The following CAST variants were observed in gnomAD, a reference collection of about 807,000 sequenced individuals.
CAST encodes the protein MIR583 host.
Under a neutral mutation model 119.6 loss-of-function variants are expected in CAST, and 76 were observed. The observed-to-expected ratio is 0.64, with a 90% CI of 0.53 to 0.77. CAST has a LOEUF of 0.77. CAST is among the 30% of genes least tolerant of loss of function. The pLI, the probability that CAST is intolerant of heterozygous loss-of-function variation, is 0.00. For missense variants in CAST, 953 were observed against 946.5 expected, an observed-to-expected ratio of 1.01 and a Z score of -0.09; for synonymous variants, 319 against 331.6, an observed-to-expected ratio of 0.96 and a Z score of 0.41.
At chr5:96,502,787 A>G in the CAST span, among the ~76,000 whole-genome samples, 2 of 152,194 alleles carry the variant, frequency 1.3e-5, no homozygotes, top group African/African-American at 2.4e-5. Flanking sequence ...ATAAAAGACT[A>G]TGGAAATTTT....
the CAST span, among the ~76,000 whole-genome samples, chr5:96,402,530 C>A: frequency 6.6e-6 from 1 of 152,106 alleles, no homozygotes; most frequent in Non-Finnish European, 1.5e-5. Context: ...TTGGTCCCTC[C>A]CCGCCTCACA....
At chr5:96,436,579 A>C in the CAST span, among the ~76,000 whole-genome samples, 1 of 152,192 alleles carries the variant, frequency 6.6e-6, no homozygotes. Context: ...GCAAAATTCT[A>C]TTTTAAATAA....
the CAST span, among the ~76,000 whole-genome samples, chr5:96,255,094 C>G: frequency 1.3e-5 from 2 of 151,992 alleles, no homozygotes; most frequent in African/African-American, 4.8e-5. Flanking sequence ...CTTAATGACT[C>G]ATATTCTGGA....
chr5:96,297,279 GAAC>G, the CAST span, among the ~76,000 whole-genome samples: 1 of 152,184 alleles, frequency 6.6e-6, no homozygotes, highest in Non-Finnish European at 1.5e-5. Flanking sequence ...GAAATTCAAG[GAAC>G]AACAACTGCT....
At chr5:96,028,552 T>G in the CAST span, among the ~76,000 whole-genome samples, 1 of 151,896 alleles carries the variant, frequency 6.6e-6, no homozygotes, top group Non-Finnish European at 1.5e-5. Flanking sequence ...GACCCCAAAT[T>G]TAAGATGGAT....
chr5:96,575,426 T>C (rs1312599192), intron 1 of CAST, among the ~76,000 whole-genome samples: 1 of 152,202 alleles, frequency 6.6e-6, no homozygotes, highest in East Asian at 1.9e-4. Flanking sequence ...CTAGGACCTC[T>C]AGTACTATGT....
intron 1 of CAST, among the ~76,000 whole-genome samples, chr5:96,613,762 C>T (rs1418662084): frequency 6.6e-6 from 1 of 152,228 alleles, no homozygotes; most frequent in African/African-American, 2.4e-5. Context: ...GTACCTCAAA[C>T]TTTATTCTCT....
chr5:96,330,338 C>T, the CAST span, among the ~76,000 whole-genome samples: 5 of 152,138 alleles, frequency 3.3e-5, 1 homozygote, highest in South Asian at 4.1e-4. Flanking sequence ...CCCTTGGCTT[C>T]CCCCACCATC....
chr5:96,670,344 A>G (rs572038501), intron 1 of CAST, among the ~76,000 whole-genome samples: 1 of 152,230 alleles, frequency 6.6e-6, no homozygotes. Context: ...TTTCCTCCTA[A>G]AAGAAGCCTC....
the CAST span, among the ~76,000 whole-genome samples, chr5:96,095,482 A>G: frequency 3.6e-5 from 5 of 138,246 alleles, no homozygotes; most frequent in Admixed American, 3.2e-4. Context: ...GATCATTTGC[A>G]CTCAAGAGTT....
In CAST at chr5:96,625,306, C is replaced by T. The variant is rs577342228; in HGVS notation, c.61-50233C>T. On this transcript the variant is annotated intron_variant, in intron 1 of 11. Transcript: ENST00000505143. ...TCTCTCTGTCTCTCTCTCTCTCTGT[C>T]TCTCATACGCACACTTAGAAAGTAG... Among the ~76,000 whole-genome samples the T allele has an allele frequency of 7.0e-4, 106 of 152,274 alleles. 1 individual carries two copies. Among genetic ancestry groups the T allele is most frequent in the African/African-American group, 2.6e-3 (106 of 41,528 alleles).
chr5:96,219,648 G>A, the CAST span, among the ~76,000 whole-genome samples: 1 of 151,964 alleles, frequency 6.6e-6, no homozygotes, highest in Admixed American at 6.6e-5. Flanking sequence ...TCTGGCCTGG[G>A]CAACAAAGTG....
At chr5:96,079,077 T>C in the CAST span, 2 of 405,574 alleles carry the variant, frequency 4.9e-6, no homozygotes, top group Non-Finnish European at 1.0e-5. Flanking sequence ...TATGTACCCA[T>C]GCACTTAAAG....
chr5:96,703,607 G>A (rs1467526222), intron 3 of CAST, among the ~76,000 whole-genome samples: 11 of 152,312 alleles, frequency 7.2e-5, no homozygotes, highest in Non-Finnish European at 1.2e-4. Flanking sequence ...CAGGCAGGGG[G>A]AAGTTCTTTA....
the CAST span, among the ~76,000 whole-genome samples, chr5:96,072,160 G>T: frequency 6.6e-6 from 1 of 152,286 alleles, no homozygotes; most frequent in South Asian, 2.1e-4. Flanking sequence ...GCTCAGAATG[G>T]GTGGGGTATG....
At chr5:96,644,541 A>G (rs1435193096) in intron 1 of CAST, among the ~76,000 whole-genome samples, 1 of 152,240 alleles carries the variant, frequency 6.6e-6, no homozygotes, top group Non-Finnish European at 1.5e-5. Flanking sequence ...GTAATTTTAG[A>G]CTGACATAAA....
chr5:96,690,470 T>C (rs1213141100), intron 2 of CAST, among the ~76,000 whole-genome samples: 2 of 152,158 alleles, frequency 1.3e-5, no homozygotes, highest in African/African-American at 2.4e-5. Context: ...CCTCAGGTGA[T>C]CCGCCTGCCT....
intron 19 of CAST, among the ~76,000 whole-genome samples, chr5:96,749,530 T>G (rs1764505787): frequency 6.6e-6 from 1 of 152,122 alleles, no homozygotes; most frequent in Admixed American, 6.6e-5. Context: ...TTGCTTCTGT[T>G]CTTTTTGTTT....
At chr5:96,735,402 C>T (rs1230023488) in intron 9 of CAST, among the ~76,000 whole-genome samples, 2 of 152,160 alleles carry the variant, frequency 1.3e-5, no homozygotes, top group Non-Finnish European at 2.9e-5. Flanking sequence ...ACAACTTCAC[C>T]CATTTAGTTT....
Sources: allele counts gnomAD v4.1 joint callset (sites outside exome capture counted in the v4.1 genomes callset), GRCh38; gene constraint gnomAD v4.1.1; transcripts MANE v1.5; gene names NCBI Gene and HGNC (gene_info 2026-07-23, HGNC 2026-07-21).